BARD1: variants seen among roughly 807,000 people sequenced by gnomAD.
BARD1 encodes BRCA1 associated RING domain 1.
BARD1 carries 73 observed loss-of-function variants against 77.0 expected under a neutral mutation model. The ratio of observed to expected loss-of-function variants is 0.95; its 90% CI spans 0.79 to 1.15. The LOEUF is 1.15. Among genes scored for constraint, BARD1 ranks in the 50% most tolerant of loss-of-function variants. The pLI, the probability that BARD1 is intolerant of heterozygous loss-of-function variation, is 0.00. For synonymous variants in BARD1, 384 were observed against 338.0 expected, an observed-to-expected ratio of 1.14 and a Z score of -1.49; for missense variants, 993 against 938.8, an observed-to-expected ratio of 1.06 and a Z score of -0.75.
intron 7 of BARD1, among the ~76,000 whole-genome samples, chr2:214,750,683 A>G (rs1693364182): frequency 6.6e-6 from 1 of 152,146 alleles, no homozygotes; most frequent in Non-Finnish European, 1.5e-5. Flanking sequence ...GGGGCTGTCA[A>G]AATCAATTTC....
chr2:214,805,410 G>C (rs997406765), intron 1 of BARD1, among the ~76,000 whole-genome samples: 1 of 152,170 alleles, frequency 6.6e-6, no homozygotes, highest in Non-Finnish European at 1.5e-5. Flanking sequence ...CAGTGCCAGG[G>C]AGAAATCATT....
chr2:214,770,696 C>T (rs1694441665), intron 4 of BARD1, among the ~76,000 whole-genome samples: 1 of 152,150 alleles, frequency 6.6e-6, no homozygotes, highest in South Asian at 2.1e-4. Context: ...AATGAGTAGA[C>T]TTTTAAGGTC....
rs587780027 is a variant in BARD1 at position 214,729,020 on chromosome 2, A to G, written c.2002-12T>C. Reference sequence around the variant, plus strand: ...AACAGCTTTGGCAACTGAAATAATGAGAAAACATTTGTTAAAGGCAGATCA... The same window carrying G: ...AACAGCTTTGGCAACTGAAATAATGGGAAAACATTTGTTAAAGGCAGATCA... On this transcript the variant is annotated splice_polypyrimidine_tract_variant and intron_variant, in intron 10 of 10. Coordinates refer to ENST00000260947, the MANE Select transcript of BARD1 (RefSeq NM_000465.4). 6.2e-7 allele frequency: 1 copy of G among 1,613,210 alleles called. No homozygotes were observed. The highest frequency in any genetic ancestry group is 1.3e-5 in the African/African-American group (1 of 75,046).
rs1401041694 is a variant in BARD1, at chr2:214,728,243, T to C, written c.*433A>G. The C allele has an allele frequency of 6.6e-6, 1 of 150,482 alleles. No individual in the cohort carries two copies. The highest frequency in any genetic ancestry group is 2.2e-4 in the South Asian group (1 of 4,476). 9.3% of individuals were successfully genotyped at this position (150,482 alleles called of 1,614,324 possible). A position where few individuals can be genotyped will look rare whatever the true frequency, so the allele number is the denominator to read the frequency against. On this transcript the variant is annotated 3_prime_UTR_variant, in exon 11 of 11. Transcript: ENST00000260947. ...TTTAGACCAAATACTCTTTTTTCAA[T>C]AAAGCCAAAATAAATTGTTTGATAA...
chr2:214,772,310 AT>A (rs59665119), intron 4 of BARD1, among the ~76,000 whole-genome samples: 4 of 151,828 alleles, frequency 2.6e-5, no homozygotes, highest in African/African-American at 4.8e-5. Flanking sequence ...CAAGATACAA[AT>A]TTTTTTTTCC....
rs1064793606 is a variant in BARD1 at position 214,728,784 on chromosome 2, C to T, written c.2226G>A (p.Leu742=). Residue 742 remains leucine (L), a synonymous_variant, in exon 11 of 11, where the codon TTG becomes TTA. Transcript: ENST00000260947. ...GAACCCTCTCTGGGTGATAATTACA[C>T]AAATCTTCATAGATGATATACTGTG... ...FCTQYIIYED[L]CNYHPERVRQ... The T allele has an allele frequency of 6.2e-7, 1 of 1,614,174 alleles. No individual in the cohort carries two copies. The highest frequency in any genetic ancestry group is 8.5e-7 in the Non-Finnish European group (1 of 1,180,024).
At chr2:214,745,012 T>A in intron 9 of BARD1, 55 bp downstream of exon 9, 2 of 1,478,810 alleles carry the variant, frequency 1.4e-6, no homozygotes, top group South Asian at 1.1e-5. Context: ...TTAATAACCA[T>A]GAAAAACAAA....
intron 9 of BARD1, among the ~76,000 whole-genome samples, chr2:214,738,832 G>C (rs1232308240): frequency 6.6e-6 from 1 of 152,128 alleles, no homozygotes; most frequent in African/African-American, 2.4e-5. Context: ...TCCCAGAGTA[G>C]TAAACAGATC....
chr2:214,751,077 T>TTGTGTG, intron 7 of BARD1, among the ~76,000 whole-genome samples: 1 of 24,950 alleles, frequency 4.0e-5, no homozygotes, highest in Non-Finnish European at 8.4e-5. Flanking sequence ...CTCTGTGAAA[T>TTGTGTG]TCTGTGTGTG....
rs879254139 is a variant in BARD1, at chr2:214,797,118, C to A, written c.159-1G>T. ...CACAGGCTCTCTCAGAATGTTAGTA[C>A]TGTTTGAAGAAATTAAAACAATCAA... On this transcript the variant is annotated splice_acceptor_variant, in intron 1 of 10. Transcript: ENST00000260947. LOFTEE classifies it high-confidence loss of function. 10 of 1,611,792 alleles carry A rather than the reference C, an allele frequency of 6.2e-6. No individual in the cohort carries two copies. The highest frequency in any genetic ancestry group is 8.5e-6 in the Non-Finnish European group (10 of 1,178,104).
At chr2:214,741,063 A>G (rs1184257392) in intron 9 of BARD1, among the ~76,000 whole-genome samples, 1 of 152,140 alleles carries the variant, frequency 6.6e-6, no homozygotes, top group Non-Finnish European at 1.5e-5. Context: ...TTATTAAATG[A>G]TGATGTAATG....
In BARD1 at chr2:214,749,428, C is replaced by G. The variant is rs143197897; in HGVS notation, c.1677+3019G>C. Among the ~76,000 whole-genome samples the G allele has an allele frequency of 1.3e-3, 197 of 152,194 alleles. 1 individual carries two copies. The highest frequency in any genetic ancestry group is 4.4e-3 in the African/African-American group (183 of 41,512). On this transcript the variant is annotated intron_variant, in intron 7 of 10. Coordinates refer to ENST00000260947, the MANE Select transcript of BARD1 (RefSeq NM_000465.4). ...CTTAGCCAAGTACCAACCATTAAGA[C>G]AGTAAATAGTAAAACTCAAAAGGCC...
chr2:214,754,519 A>G (rs907985280), intron 6 of BARD1, among the ~76,000 whole-genome samples: 1 of 152,170 alleles, frequency 6.6e-6, no homozygotes, highest in South Asian at 2.1e-4. Context: ...AAAAAAGTGC[A>G]TGATGACAAC....
intron 7 of BARD1, among the ~76,000 whole-genome samples, chr2:214,748,302 G>A (rs1273399677): frequency 1.3e-5 from 2 of 152,104 alleles, no homozygotes; most frequent in East Asian, 1.9e-4. Flanking sequence ...GGGTGAGGTG[G>A]CATGGGGGCT....
In BARD1 at chr2:214,743,371, G is replaced by C. The variant is rs751329195; in HGVS notation, c.1903+1696C>G. ...TTTATAAACTAATTTTAATCCATCA[G>C]TTGCTTCATAAAGAGTTTCAATAAA... is the stretch of plus-strand genomic sequence containing the variant. On this transcript the variant is annotated intron_variant, in intron 9 of 10. Coordinates refer to ENST00000260947, the MANE Select transcript of BARD1 (RefSeq NM_000465.4). Among the ~76,000 whole-genome samples the C allele has an allele frequency of 6.6e-6, 1 of 152,160 alleles. No homozygotes were observed. The highest frequency in any genetic ancestry group is 1.5e-5 in the Non-Finnish European group (1 of 68,028).
intron 7 of BARD1, among the ~76,000 whole-genome samples, chr2:214,748,091 T>A (rs1693225591): frequency 1.3e-5 from 2 of 152,058 alleles, no homozygotes. Flanking sequence ...AACACAAGAG[T>A]GAAAAAGATA....
chr2:214,755,149 A>G (rs1021341790), intron 6 of BARD1, among the ~76,000 whole-genome samples: 5 of 152,224 alleles, frequency 3.3e-5, no homozygotes, highest in Non-Finnish European at 7.3e-5. Context: ...TACTACATAC[A>G]GGAAAAGTTA....
intron 6 of BARD1, among the ~76,000 whole-genome samples, chr2:214,757,756 T>C (rs754520974): frequency 2.6e-5 from 4 of 152,006 alleles, no homozygotes; most frequent in African/African-American, 7.3e-5. Context: ...CTCACAGAAC[T>C]CAGAGGAGGA....
At chr2:214,751,143 ATATATATATTTTTTT>A (rs1559393228) in intron 7 of BARD1, among the ~76,000 whole-genome samples, 19 of 21,018 alleles carry the variant, frequency 9.0e-4, no homozygotes, top group African/African-American at 2.2e-3. Flanking sequence ...ATATATATAT[ATATATATATTTTTTT>A]TTTTTTTTTT....
Sources: gnomAD v4.1 joint callset for allele counts (sites outside exome capture counted in the v4.1 genomes callset) on GRCh38, gnomAD v4.1.1 for gene constraint, MANE v1.5 for transcripts, NCBI Gene and HGNC (gene_info 2026-07-23, HGNC 2026-07-21) for gene names.